The following CCSER1 variants were observed in gnomAD, a reference collection of about 807,000 sequenced individuals.
CCSER1 encodes coiled-coil serine rich protein 1.
In CCSER1, 41 loss-of-function variants were observed where a neutral mutation model predicts 82.0. The ratio of observed to expected loss-of-function variants is 0.50; its 90% confidence interval spans 0.39 to 0.65. The LOEUF (loss-of-function observed/expected upper bound fraction) is 0.65. Ranked by LOEUF, CCSER1 falls within the 30% of genes least tolerant of loss-of-function variation. CCSER1 has a pLI of 0.00. For missense variants in CCSER1, 1,119 were observed against 1,064.2 expected (o/e 1.05, Z -0.72); for synonymous variants, 414 against 383.9 (o/e 1.08, Z -0.92).
At chr4:90,930,939 T>TATATATACAC (rs749253663) in intron 9 of CCSER1, among the ~76,000 whole-genome samples, 11 of 135,086 alleles carry the variant, frequency 8.1e-5, no homozygotes, top group Non-Finnish European at 1.1e-4. Flanking sequence ...TATATATATA[T>TATATATACAC]ACACATGACA....
At chr4:90,908,697 G>T (rs1725871895) in intron 8 of CCSER1, among the ~76,000 whole-genome samples, 1 of 152,072 alleles carries the variant, frequency 6.6e-6, no homozygotes, top group African/African-American at 2.4e-5. Flanking sequence ...AAACATCTCA[G>T]TTTACAGCAG....
intron 8 of CCSER1, among the ~76,000 whole-genome samples, chr4:90,825,705 T>G (rs535591163): frequency 6.6e-6 from 1 of 151,612 alleles, no homozygotes; most frequent in African/African-American, 2.4e-5. Flanking sequence ...ATTGGTATTT[T>G]TTTGTTTGTT....
chr4:90,691,417 ATGTG>A (rs914296565), intron 6 of CCSER1, among the ~76,000 whole-genome samples: 43 of 152,130 alleles, frequency 2.8e-4, no homozygotes, highest in African/African-American at 1.0e-3. Flanking sequence ...TCCCATACAT[ATGTG>A]TATGTATAAA....
chr4:90,414,616 T>A (rs956538114), intron 4 of CCSER1, among the ~76,000 whole-genome samples: 28 of 152,172 alleles, frequency 1.8e-4, no homozygotes, highest in African/African-American at 6.8e-4. Context: ...TATTCATGTT[T>A]GTATAGTATT....
intron 8 of CCSER1, among the ~76,000 whole-genome samples, chr4:90,855,599 T>C (rs1327760084): frequency 1.3e-5 from 2 of 152,156 alleles, no homozygotes; most frequent in Non-Finnish European, 2.9e-5. Context: ...TTCAATAATA[T>C]TTACTTAAAA....
chr4:91,364,641 T>C (rs544386042), intron 10 of CCSER1, among the ~76,000 whole-genome samples: 1 of 152,252 alleles, frequency 6.6e-6, no homozygotes, highest in Non-Finnish European at 1.5e-5. Flanking sequence ...TGAGTTAATA[T>C]CTTTAAAATT....
intron 10 of CCSER1, among the ~76,000 whole-genome samples, chr4:91,328,921 G>GGATTTAT (rs1553924699): frequency 6.6e-6 from 1 of 151,990 alleles, no homozygotes; most frequent in Non-Finnish European, 1.5e-5. Flanking sequence ...GAGATCTGAG[G>GGATTTAT]GATTTATAAG....
At chr4:90,487,078 A>C (rs1211337062) in intron 5 of CCSER1, among the ~76,000 whole-genome samples, 1 of 151,990 alleles carries the variant, frequency 6.6e-6, no homozygotes, top group Non-Finnish European at 1.5e-5. Flanking sequence ...TGCCCAGCTA[A>C]TTTTTGTATT....
intron 7 of CCSER1, among the ~76,000 whole-genome samples, chr4:90,737,708 A>G (rs1474953353): frequency 6.6e-6 from 1 of 151,996 alleles, no homozygotes; most frequent in Admixed American, 6.6e-5. Flanking sequence ...TTGTCTCTCT[A>G]CTTCTTCTTT....
intron 10 of CCSER1, among the ~76,000 whole-genome samples, chr4:91,429,281 T>C (rs191395063): frequency 6.2e-4 from 94 of 152,068 alleles, no homozygotes; most frequent in Non-Finnish European, 1.1e-3. Context: ...TTGATATCTA[T>C]ATCTATTTCT....
intron 10 of CCSER1, among the ~76,000 whole-genome samples, chr4:91,206,409 C>A (rs1736347547): frequency 6.6e-6 from 1 of 151,872 alleles, no homozygotes. Context: ...GGAAAATGTT[C>A]TTTGGAGATG....
intron 10 of CCSER1, among the ~76,000 whole-genome samples, chr4:91,335,769 T>A (rs1041153743): frequency 6.6e-6 from 1 of 152,026 alleles, no homozygotes; most frequent in Non-Finnish European, 1.5e-5. Context: ...TGGCCATTTC[T>A]TTAGCAGCAT....
chr4:91,072,582 A>C (rs182117665), intron 9 of CCSER1, among the ~76,000 whole-genome samples: 268 of 152,264 alleles, frequency 1.8e-3, no homozygotes, highest in African/African-American at 6.3e-3. Flanking sequence ...TATCCAAATC[A>C]TGTCAGTTAG....
At chr4:91,365,375 ATCT>A in intron 10 of CCSER1, among the ~76,000 whole-genome samples, 1 of 152,176 alleles carries the variant, frequency 6.6e-6, no homozygotes, top group Non-Finnish European at 1.5e-5. Flanking sequence ...TTGATTCTCT[ATCT>A]GGAATGCCAA....
intron 9 of CCSER1, among the ~76,000 whole-genome samples, chr4:90,945,427 T>C (rs895579176): frequency 1.3e-5 from 2 of 152,352 alleles, no homozygotes; most frequent in East Asian, 1.9e-4. Context: ...TTATTGAATA[T>C]AATTGCCTTT....
chr4:90,184,669 A>C (rs1734297511), intron 1 of CCSER1, among the ~76,000 whole-genome samples: 1 of 152,116 alleles, frequency 6.6e-6, no homozygotes, highest in African/African-American at 2.4e-5. Flanking sequence ...GAACTTAACC[A>C]GGTAAAGTGT....
At chr4:90,614,624 A>G (rs1720860341) in intron 5 of CCSER1, among the ~76,000 whole-genome samples, 1 of 152,196 alleles carries the variant, frequency 6.6e-6, no homozygotes, top group Non-Finnish European at 1.5e-5. Context: ...AGCCTAATCC[A>G]GAGAAAAGCC....
chr4:90,704,129 A>G (rs1296087132), intron 6 of CCSER1, among the ~76,000 whole-genome samples: 7 of 151,946 alleles, frequency 4.6e-5, no homozygotes, highest in African/African-American at 4.8e-5. Flanking sequence ...TCCTTTCCAT[A>G]TTTAGTGCTT....
intron 4 of CCSER1, among the ~76,000 whole-genome samples, chr4:90,425,235 A>G (rs2153563167): frequency 6.6e-6 from 1 of 152,240 alleles, no homozygotes; most frequent in African/African-American, 2.4e-5. Flanking sequence ...TATTTATTTC[A>G]TTTTAGATTT....
Sources: allele counts gnomAD v4.1 joint callset (sites outside exome capture counted in the v4.1 genomes callset), GRCh38; gene constraint gnomAD v4.1.1; transcripts MANE v1.5; gene names NCBI Gene and HGNC (gene_info 2026-07-23, HGNC 2026-07-21).